Variants in DAAM2 observed in about 807,000 individuals in gnomAD.
DAAM2 encodes the protein dishevelled associated activator of morphogenesis 2.
A neutral mutation model predicts 120.7 loss-of-function variants in DAAM2; 39 were observed. The observed-to-expected ratio is 0.32, with a 90% CI of 0.25 to 0.42. The LOEUF is 0.42. Ranked by LOEUF, DAAM2 falls within the 10% of genes least tolerant of loss-of-function variation. The probability of loss-of-function intolerance (pLI) is 1.00; values close to 1 mark genes in which losing one functional copy is unlikely to be tolerated. For synonymous variants in DAAM2, 488 were observed against 524.9 expected, an observed-to-expected ratio of 0.93 and a Z score of 0.96; for missense variants, 1,283 against 1,401.7, an observed-to-expected ratio of 0.92 and a Z score of 1.35.
intron 17 of DAAM2, 133 bp from the exon 18 acceptor site, chr6:39,891,208 G>A: frequency 3.1e-6 from 2 of 642,458 alleles, no homozygotes; most frequent in Admixed American, 4.8e-5. Flanking sequence ...AAAGAAATCT[G>A]TCCACATGAG....
At chr6:39,854,177 G>T (rs1582678494) in intron 1 of DAAM2, among the ~76,000 whole-genome samples, 1 of 152,168 alleles carries the variant, frequency 6.6e-6, no homozygotes, top group Non-Finnish European at 1.5e-5. Context: ...CCTTACAAAG[G>T]TTCTTGATTG....
intron 3 of DAAM2, chr6:39,861,428 A>G (rs1460614634): frequency 5.8e-6 from 2 of 345,184 alleles, no homozygotes; most frequent in Admixed American, 7.6e-5. Context: ...ACTCTGTCCC[A>G]GGCTAGGGCT....
intron 1 of DAAM2, among the ~76,000 whole-genome samples, chr6:39,835,287 G>A (rs762907925): frequency 2.7e-4 from 41 of 152,178 alleles, no homozygotes; most frequent in Admixed American, 1.8e-3. Flanking sequence ...AGAACAGCAC[G>A]GAGTCATGAA....
At chr6:39,810,548 A>T (rs1457911237) in intron 1 of DAAM2, among the ~76,000 whole-genome samples, 1 of 152,126 alleles carries the variant, frequency 6.6e-6, no homozygotes, top group Non-Finnish European at 1.5e-5. Context: ...CTCTACCCAG[A>T]GGTACCTGGA....
chr6:39,843,772 G>A (rs923133988), intron 1 of DAAM2, among the ~76,000 whole-genome samples: 2 of 152,186 alleles, frequency 1.3e-5, no homozygotes, highest in African/African-American at 4.8e-5. Flanking sequence ...ATTGCTGCCT[G>A]TGAGTAGGTA....
At chr6:39,858,896 G>C (rs533417953) in intron 2 of DAAM2, among the ~76,000 whole-genome samples, 1 of 152,240 alleles carries the variant, frequency 6.6e-6, no homozygotes, top group South Asian at 2.1e-4. Flanking sequence ...CATCAAGGAA[G>C]CCCACGCAGG....
chr6:39,812,563 C>T (rs964589715), intron 1 of DAAM2, among the ~76,000 whole-genome samples: 2 of 152,120 alleles, frequency 1.3e-5, no homozygotes, highest in African/African-American at 4.8e-5. Flanking sequence ...ACTCTCTAGC[C>T]TCCACAAACA....
chr6:39,876,727 G>GCA (rs61429457), intron 11 of DAAM2, among the ~76,000 whole-genome samples: 6 of 27,882 alleles, frequency 2.2e-4, no homozygotes, highest in East Asian at 8.2e-3. Context: ...GTGTGTGTGT[G>GCA]TGCGTGTGTG....
intron 1 of DAAM2, chr6:39,823,256 G>T (rs1482225390): frequency 1.3e-5 from 2 of 152,152 alleles, no homozygotes; most frequent in East Asian, 3.9e-4. Flanking sequence ...ACTGCAGGAA[G>T]GGAGATGTGC....
chr6:39,875,274 G>A (rs1582715865), intron 10 of DAAM2, 56 bp from the exon 11 acceptor site: 1 of 1,575,488 alleles, frequency 6.3e-7, no homozygotes, highest in African/African-American at 1.3e-5. Flanking sequence ...ACTCTAGGGT[G>A]GGGCCCAAGG....
chr6:39,866,556 G>A (rs952944225), intron 5 of DAAM2, among the ~76,000 whole-genome samples: 1 of 152,156 alleles, frequency 6.6e-6, no homozygotes, highest in Non-Finnish European at 1.5e-5. Context: ...GACATCCGGC[G>A]CCTAGGTGAA....
chr6:39,817,914 C>T (rs148269278), intron 1 of DAAM2, among the ~76,000 whole-genome samples: 89 of 152,244 alleles, frequency 5.8e-4, no homozygotes, highest in Middle Eastern at 3.4e-3. Flanking sequence ...CATGGTGGCT[C>T]ACGCCTGTAA....
intron 19 of DAAM2, among the ~76,000 whole-genome samples, chr6:39,893,950 G>T (rs2149364486): frequency 6.6e-6 from 1 of 152,220 alleles, no homozygotes; most frequent in African/African-American, 2.4e-5. Context: ...GAGTCCATTT[G>T]CCAAAAGCTA....
chr6:39,896,923 A>G lies in DAAM2; in HGVS notation c.2453A>G (p.Tyr818Cys), dbSNP rs1469387481. ...FMNKGQRGGA[Y>C]GFRVASLNKI... Reference sequence around the variant, plus strand: ...AACAAAGGGCAGCGTGGGGGCGCCTACGGGTTCCGGGTGGCCAGCCTCAAC... The same window carrying G: ...AACAAAGGGCAGCGTGGGGGCGCCTGCGGGTTCCGGGTGGCCAGCCTCAAC... The change falls in exon 20 of 25, where the codon TAC becomes TGC. Residue 818 changes from tyrosine to cysteine, a missense_variant. Around this residue, in one of 3 missense-constraint regions of DAAM2, gnomAD observed 748 missense variants for 768.6 expected, o/e 0.97. Transcript: ENST00000274867. 3 of 1,613,716 alleles carry G rather than the reference A, an allele frequency of 1.9e-6. No individual in the cohort carries two copies. The highest frequency in any genetic ancestry group is 1.1e-5 in the South Asian group (1 of 91,046).
chr6:39,847,874 A>T lies in DAAM2; in HGVS notation c.-56-8373A>T, dbSNP rs548670573. Among the ~76,000 whole-genome samples, 18 of 152,194 alleles carry T rather than the reference A, an allele frequency of 1.2e-4. No individual in the cohort carries two copies. The South Asian group carries it at 2.7e-3, about 23-fold the overall frequency. On this transcript the variant is annotated intron_variant, in intron 1 of 24. Transcript: ENST00000274867. ...TCCTCTACCATAAGTCAAGGAACTA[A>T]TCAACAGCAAGCCACACACTCTCCA...
At chr6:39,877,614 G>C (rs183446158) in intron 11 of DAAM2, among the ~76,000 whole-genome samples, 1 of 152,150 alleles carries the variant, frequency 6.6e-6, no homozygotes. Flanking sequence ...TTGGGATCTC[G>C]CTTTGGGATT....
intron 7 of DAAM2, among the ~76,000 whole-genome samples, chr6:39,869,157 T>C (rs1562040143): frequency 6.6e-6 from 1 of 151,382 alleles, no homozygotes; most frequent in Non-Finnish European, 1.5e-5. Context: ...GGAGGGCGAG[T>C]TTGGGCCCTT....
At chr6:39,818,182 T>TA (rs752326154) in intron 1 of DAAM2, among the ~76,000 whole-genome samples, 6,276 of 85,712 alleles carry the variant, frequency 0.073, 318 homozygotes, top group African/African-American at 0.17. Context: ...GCATCTCAAT[T>TA]AAAAAAAAAA....
chr6:39,792,429 C>A lies in DAAM2; in HGVS notation c.-93C>A. On this transcript the variant is annotated 5_prime_UTR_variant, in exon 1 of 25. Coordinates refer to ENST00000274867, the MANE Select transcript of DAAM2 (RefSeq NM_001201427.2). Reference sequence around the variant, plus strand: ...GAGCGCGGGCGGCGGCGCCGTACCTCGGGCTGCGGGAGCGCGGGCGCCCTG... The same window carrying A: ...GAGCGCGGGCGGCGGCGCCGTACCTAGGGCTGCGGGAGCGCGGGCGCCCTG... 1 of 152,238 alleles carries A rather than the reference C, an allele frequency of 6.6e-6. No individual in the cohort carries two copies. Among genetic ancestry groups the A allele is most frequent in the South Asian group, 2.0e-4 (1 of 4,880 alleles). The allele number at this position is 152,238 out of a possible 1,614,324, so 9.4% of individuals were successfully genotyped here. A position where few individuals can be genotyped will look rare whatever the true frequency, so the allele number is the denominator to read the frequency against.
Sources: gnomAD v4.1 joint callset for allele counts (sites outside exome capture counted in the v4.1 genomes callset) on GRCh38, gnomAD v4.1.1 for gene constraint, gnomAD v4.1.1 regional missense constraint, MANE v1.5 for transcripts, NCBI Gene and HGNC (gene_info 2026-07-23, HGNC 2026-07-21) for gene names.